Variants in SRCAP observed in about 807,000 individuals in gnomAD.
SRCAP encodes the protein Snf2 related CREBBP activator protein.
In SRCAP, 46 loss-of-function variants were observed where a neutral mutation model predicts 263.1. The ratio of observed to expected loss-of-function variants is 0.17; its 90% CI spans 0.14 to 0.22. SRCAP has a LOEUF of 0.22. Among genes scored for constraint, SRCAP ranks in the 10% least tolerant of loss-of-function variants. The pLI, the probability that SRCAP is intolerant of heterozygous loss-of-function variation, is 1.00. For synonymous variants in SRCAP, 1,813 were observed against 1,662.1 expected (o/e 1.09, Z -2.21); for missense variants, 3,695 against 4,181.9 (o/e 0.88, Z 3.21).
At chr16:30,720,391 A>G in intron 19 of SRCAP, 60 bp downstream of exon 19, 1 of 1,569,970 alleles carries the variant, frequency 6.4e-7, no homozygotes, top group Non-Finnish European at 8.7e-7. Context: ...AGCTGCCCAG[A>G]GGGGCCTGGG....
rs368107059 is a variant in SRCAP, at chr16:30,737,932, C to T, written c.7892C>T (p.Thr2631Ile). Residue 2631 changes from threonine (T) to isoleucine (I), a missense_variant, in exon 34 of 34, where the codon ACC (threonine) becomes ATC (isoleucine). Around this residue, in one of 12 missense-constraint regions of SRCAP, gnomAD observed 1,207 missense variants for 1,142.9 expected, o/e 1.06. Transcript: ENST00000262518. ...EQEAPDSAEG[T>I]TLTVLPEGEE... ...GAGGCACCAGATTCTGCTGAGGGGA[C>T]CACCCTTACAGTGCTGCCTGAAGGT... The T allele has an allele frequency of 1.2e-6, 2 of 1,614,064 alleles. No homozygotes were observed. The highest frequency in any genetic ancestry group is 1.1e-5 in the South Asian group (1 of 91,088).
rs772519789 is a variant in SRCAP at position 30,739,444 on chromosome 16, A to G, written c.9404A>G (p.Lys3135Arg). The change falls in exon 34 of 34, where the codon AAG (lysine) becomes AGG (arginine). Residue 3135 changes from lysine (K) to arginine (R), a missense_variant. Lys to Arg is a conservative substitution (Grantham distance 26, BLOSUM62 2). Coordinates refer to ENST00000262518, the MANE Select transcript of SRCAP (RefSeq NM_006662.3). Reference sequence around the variant, plus strand: ...CTAGTCCCCCCACTAGAGACTGAGAAGTTGCCTCGCAAACGAGCAGGGGCC... The same window carrying G: ...CTAGTCCCCCCACTAGAGACTGAGAGGTTGCCTCGCAAACGAGCAGGGGCC... ...GSLVPPLETEKLPRKRAGAPV... is the reference protein window; with the variant it reads ...GSLVPPLETERLPRKRAGAPV... 1 of 1,614,182 alleles carries G rather than the reference A, an allele frequency of 6.2e-7. No individual in the cohort carries two copies. Among genetic ancestry groups the G allele is most frequent in the East Asian group, 2.2e-5 (1 of 44,880 alleles).
chr16:30,741,288 C>T lies in SRCAP; in HGVS notation c.*1555C>T, dbSNP rs952617991. 76 of 153,514 alleles carry T rather than the reference C, an allele frequency of 5.0e-4. No individual in the cohort carries two copies. The highest frequency in any genetic ancestry group is 7.4e-4 in the Non-Finnish European group (51 of 68,936). The allele number at this position is 153,514 out of a possible 1,614,324, so 9.5% of individuals were successfully genotyped here. On this transcript the variant is annotated 3_prime_UTR_variant, in exon 34 of 34. Coordinates refer to ENST00000262518, the MANE Select transcript of SRCAP (RefSeq NM_006662.3). ...TGTAAAATGGCTGCTTTGCTTGAAA[C>T]GGGTTGCAGTACCTAGGGTCCTGCT... is the stretch of plus-strand genomic sequence containing the variant.
At chr16:30,736,165 C>A in intron 31 of SRCAP, 35 bp from the exon 32 acceptor site, 1 of 1,611,086 alleles carries the variant, frequency 6.2e-7, no homozygotes, top group Non-Finnish European at 8.5e-7. Flanking sequence ...TACTTGAAGT[C>A]TCATGTTTTC....
chr16:30,734,627 G>A lies in SRCAP; in HGVS notation c.6729+12G>A, dbSNP rs769557632. On this transcript the variant is annotated intron_variant, in intron 31 of 33. Transcript: ENST00000262518. ...ATATTCTGGAGCAGGTAAAAAAAGA[G>A]TGGGCAGTTCGTAAAGTTGAGCTGA... The A allele has an allele frequency of 2.5e-6, 4 of 1,614,028 alleles. No homozygotes were observed. Among genetic ancestry groups the A allele is most frequent in the Non-Finnish European group, 2.5e-6 (3 of 1,179,958 alleles).
At chr16:30,722,489 T>G in intron 22 of SRCAP, 74 bp from the exon 23 acceptor site, 1 of 1,565,758 alleles carries the variant, frequency 6.4e-7, no homozygotes, top group South Asian at 1.2e-5. Context: ...TCTTTTCTTC[T>G]CTTCTTGCCT....
intron 25 of SRCAP, 41 bp downstream of exon 25, chr16:30,725,123 T>G (rs1245098992): frequency 6.4e-7 from 1 of 1,562,106 alleles, no homozygotes. Context: ...AAGTTGAGTT[T>G]CTTTGGAGTG....
intron 21 of SRCAP, 41 bp from the exon 22 acceptor site, chr16:30,722,081 A>C (rs1567246898): frequency 1.3e-6 from 2 of 1,588,350 alleles, no homozygotes; most frequent in East Asian, 4.5e-5. Context: ...GGTGTTGAGC[A>C]GGATGAGCCT....
At position 30,724,684 on chromosome 16, in the gene SRCAP, C is replaced by A. The variant is rs1288280339; in HGVS notation, c.5260C>A (p.Leu1754Met). 1 of 1,614,186 alleles carries A rather than the reference C, an allele frequency of 6.2e-7. No homozygotes were observed. The highest frequency in any genetic ancestry group is 1.1e-5 in the South Asian group (1 of 91,082). Residue 1754 changes from leucine to methionine, a missense_variant, in exon 25 of 34, where the codon CTG (leucine) becomes ATG (methionine). This residue lies in a region of SRCAP where 1,347 missense variants were observed against 1,304.4 expected (regional missense o/e 1.03). Coordinates refer to ENST00000262518, the MANE Select transcript of SRCAP (RefSeq NM_006662.3). ...QTLSLAPAPP[L>M]APASPVGPAP... ...GCTGTCTCTGGCTCCAGCACCCCCT[C>A]TGGCTCCAGCTTCTCCAGTGGGCCC...
chr16:30,716,338 C>T lies in SRCAP; in HGVS notation c.2676C>T (p.Asn892=). 6.2e-7 allele frequency: 1 copy of T among 1,614,172 alleles called. No individual in the cohort carries two copies. The highest frequency in any genetic ancestry group is 8.5e-7 in the Non-Finnish European group (1 of 1,180,032). Residue 892 remains asparagine, a synonymous_variant, in exon 18 of 34, where the codon AAC becomes AAT. Transcript: ENST00000262518. The part of the protein sequence containing the change: ...LATGHFMSVI[N]ILMQLRKVCN... ...CAGGCCATTTCATGAGCGTCATCAA[C>T]ATTTTGATGCAGCTGAGAAAAGTTT...
rs1253254716 is a variant in SRCAP, at chr16:30,737,715, G to A, written c.7675G>A (p.Ala2559Thr). 1 of 1,614,038 alleles carries A rather than the reference G, an allele frequency of 6.2e-7. No individual in the cohort carries two copies. Among genetic ancestry groups the A allele is most frequent in the Non-Finnish European group, 8.5e-7 (1 of 1,180,058 alleles). ...PEAELCAQAL[A>T]SPESLELASV... is the part of the protein sequence containing the mutation. The stretch of plus-strand genomic sequence containing the variant: ...GGCAGAGCTGTGTGCCCAGGCATTG[G>A]CATCTCCAGAGTCCCTGGAGCTGGC... The change falls in exon 34 of 34, where the codon GCA becomes ACA. Residue 2559 changes from alanine to threonine, a missense_variant. Around this residue, in one of 12 missense-constraint regions of SRCAP, gnomAD observed 1,207 missense variants for 1,142.9 expected, o/e 1.06. Transcript: ENST00000262518.
chr16:30,699,371 C>T (rs2052739973), intron 1 of SRCAP, 129 bp downstream of exon 1: 4 of 393,478 alleles, frequency 1.0e-5, no homozygotes, highest in East Asian at 7.2e-5. Flanking sequence ...TGCCTGTTTC[C>T]GGCGCGTGGT....
intron 18 of SRCAP, among the ~76,000 whole-genome samples, chr16:30,719,373 G>A (rs1173920869): frequency 6.7e-5 from 10 of 148,900 alleles, no homozygotes; most frequent in South Asian, 2.1e-4. Context: ...GTGCCACCAC[G>A]CCTGGCTAAT....
At position 30,733,559 on chromosome 16, in the gene SRCAP, G is replaced by A. The variant is rs774721433; in HGVS notation, c.6298-43G>A. 3 of 1,603,122 alleles carry A rather than the reference G, an allele frequency of 1.9e-6. No homozygotes were observed. The African/African-American group carries it at 4.0e-5, about 21-fold the overall frequency. On this transcript the variant is annotated intron_variant, in intron 28 of 33. Coordinates refer to ENST00000262518, the MANE Select transcript of SRCAP (RefSeq NM_006662.3). This position sits in a 1 kb window ranked among gnomAD's most constrained non-coding sequence, Gnocchi z 5.3. ...ACTAAGCCTTTAGACCTGTTTTGGG[G>A]GATAAGTCTCCCAGTATCATCTTTT...
At chr16:30,705,622 A>G (rs2052818350) in intron 4 of SRCAP, among the ~76,000 whole-genome samples, 1 of 150,784 alleles carries the variant, frequency 6.6e-6, no homozygotes, top group Admixed American at 6.6e-5. Flanking sequence ...GATGGTCTTG[A>G]TCTCTTGACC....
At position 30,737,837 on chromosome 16, in the gene SRCAP, C is replaced by G. The variant is rs762046869; in HGVS notation, c.7797C>G (p.Asn2599Lys). The G allele has an allele frequency of 2.5e-6, 4 of 1,614,042 alleles. No homozygotes were observed. The African/African-American group carries it at 4.0e-5, about 16-fold the overall frequency. Reference sequence around the variant, plus strand: ...AGATCCTGCCTGTGTCAGAGAAGAACCTTTCTCTCACCCCTTCTGCACCCA... The same window carrying G: ...AGATCCTGCCTGTGTCAGAGAAGAAGCTTTCTCTCACCCCTTCTGCACCCA... ...AVEILPVSEK[N>K]LSLTPSAPSL... is the part of the protein sequence containing the mutation. The change falls in exon 34 of 34, where the codon AAC becomes AAG. Residue 2599 changes from asparagine (N) to lysine (K), a missense_variant. Transcript: ENST00000262518.
At position 30,724,425 on chromosome 16, in the gene SRCAP, G is replaced by A. The variant is rs753715138; in HGVS notation, c.5001G>A (p.Pro1667=). The A allele has an allele frequency of 7.4e-6, 12 of 1,614,128 alleles. No homozygotes were observed. Among genetic ancestry groups the A allele is most frequent in the Middle Eastern group, 3.3e-4 (2 of 6,062 alleles). Residue 1667 remains proline (P), a synonymous_variant, in exon 25 of 34, where the codon CCG becomes CCA. Transcript: ENST00000262518. ...PSSTQTMLPA[P]VPSPLPSPAS... ...CAACTCAAACTATGCTACCAGCCCCGGTTCCGTCACCTCTCCCGAGCCCGG... is the reference window on the plus strand; with the variant it reads ...CAACTCAAACTATGCTACCAGCCCCAGTTCCGTCACCTCTCCCGAGCCCGG...
At chr16:30,722,320 C>T in intron 22 of SRCAP, 34 bp downstream of exon 22, 1 of 1,595,486 alleles carries the variant, frequency 6.3e-7, no homozygotes, top group Non-Finnish European at 8.5e-7. Context: ...CTGCCTTTTT[C>T]CTCCTCTTCC....
At chr16:30,726,109 T>C (rs573465763) in intron 25 of SRCAP, 2 of 152,328 alleles carry the variant, frequency 1.3e-5, no homozygotes, top group East Asian at 1.9e-4. Flanking sequence ...TAGTTTTGCC[T>C]ATGGAGTCAT....
Sources: gnomAD v4.1 joint callset for allele counts (sites outside exome capture counted in the v4.1 genomes callset) on GRCh38, gnomAD v4.1.1 for gene constraint, gnomAD v4.1.1 regional missense constraint, Gnocchi (gnomAD v3.1) non-coding constraint, MANE v1.5 for transcripts, NCBI Gene and HGNC (gene_info 2026-07-23, HGNC 2026-07-21) for gene names.